CSMD3: variants seen among roughly 807,000 people sequenced by gnomAD.
CSMD3 encodes the protein CUB and sushi domain-containing protein 3.
Under a neutral mutation model 435.2 loss-of-function variants are expected in CSMD3, and 177 were observed. The ratio of observed to expected loss-of-function variants is 0.41; its 90% CI spans 0.36 to 0.46. The LOEUF (loss-of-function observed/expected upper bound fraction) is 0.46. Ranked by LOEUF, CSMD3 falls within the 20% of genes least tolerant of loss-of-function variation. The pLI is 0.34. For missense variants in CSMD3, 4,265 were observed against 4,504.6 expected, an observed-to-expected ratio of 0.95 and a Z score of 1.52; for synonymous variants, 1,656 against 1,520.5, an observed-to-expected ratio of 1.09 and a Z score of -2.07.
chr8:113,430,741 C>T (rs943176916), intron 1 of CSMD3, among the ~76,000 whole-genome samples: 1 of 152,136 alleles, frequency 6.6e-6, no homozygotes, highest in Non-Finnish European at 1.5e-5. Flanking sequence ...TATCTAATGC[C>T]ACATAATCAC....
chr8:112,892,371 A>G (rs1349797829), intron 10 of CSMD3, among the ~76,000 whole-genome samples: 1 of 151,430 alleles, frequency 6.6e-6, no homozygotes, highest in African/African-American at 2.4e-5. Flanking sequence ...ACTTTATGGG[A>G]CCTTAATATG....
chr8:113,355,747 T>TACACACACAC (rs1435607560), intron 1 of CSMD3, among the ~76,000 whole-genome samples: 1 of 87,508 alleles, frequency 1.1e-5, no homozygotes, highest in African/African-American at 5.2e-5. Flanking sequence ...TATATATATA[T>TACACACACAC]ATACACACAC....
intron 9 of CSMD3, among the ~76,000 whole-genome samples, chr8:112,928,901 C>A (rs1280762028): frequency 7.3e-6 from 1 of 137,440 alleles, no homozygotes; most frequent in East Asian, 2.1e-4. Context: ...TACAGTCCCA[C>A]CAACAGTGTA....
chr8:113,129,871 A>G (rs1024516988), intron 4 of CSMD3, among the ~76,000 whole-genome samples: 19 of 152,134 alleles, frequency 1.2e-4, no homozygotes, highest in Non-Finnish European at 2.8e-4. Flanking sequence ...TGTTTTTACA[A>G]AGATAGGAAG....
intron 52 of CSMD3, 133 bp downstream of exon 52, chr8:112,304,588 G>C: frequency 1.4e-6 from 1 of 707,080 alleles, no homozygotes; most frequent in Non-Finnish European, 2.4e-6. Flanking sequence ...ATTTAAAAAC[G>C]TAACGAGAAT....
At chr8:112,988,905 G>T (rs966903360) in intron 6 of CSMD3, among the ~76,000 whole-genome samples, 1 of 151,880 alleles carries the variant, frequency 6.6e-6, no homozygotes, top group Admixed American at 6.6e-5. Context: ...AACAACCGTA[G>T]GCAGCAGGTA....
rs2129990177 is a variant in CSMD3, at chr8:112,237,240, C to G, written c.10577G>C (p.Gly3526Ala). 6.2e-7 allele frequency: 1 copy of G among 1,613,554 alleles called. No individual in the cohort carries two copies. Among genetic ancestry groups the G allele is most frequent in the South Asian group, 1.1e-5 (1 of 91,078 alleles). The part of the protein sequence containing the change: ...LTVTSFNAST[G>A]RVNATLSNSN... ...ATTGCTCAGTGTTGCGTTAACTCTC[C>G]CAGTGGAAGCATTGAAACTAGTAAC... The change falls in exon 67 of 71, where the codon GGG becomes GCG. Residue 3526 changes from glycine (G) to alanine (A), a missense_variant. Physicochemically the swap from Gly to Ala is moderately conservative, Grantham distance 60. Around this residue, in one of 3 missense-constraint regions of CSMD3, gnomAD observed 3,255 missense variants for 3,380.2 expected, o/e 0.96. Coordinates refer to ENST00000297405, the MANE Select transcript of CSMD3 (RefSeq NM_198123.2).
At chr8:112,916,810 T>C (rs2082585934) in intron 10 of CSMD3, among the ~76,000 whole-genome samples, 1 of 151,908 alleles carries the variant, frequency 6.6e-6, no homozygotes, top group East Asian at 1.9e-4. Context: ...TAAATCTTCC[T>C]ATAATATTTC....
chr8:112,311,484 C>T (rs1821974409), intron 49 of CSMD3, among the ~76,000 whole-genome samples: 1 of 152,184 alleles, frequency 6.6e-6, no homozygotes, highest in Admixed American at 6.5e-5. Context: ...ATTTTGGAAA[C>T]CGCATTTCCT....
intron 13 of CSMD3, among the ~76,000 whole-genome samples, chr8:112,721,756 T>C (rs2076863356): frequency 1.3e-5 from 2 of 152,164 alleles, no homozygotes; most frequent in Admixed American, 1.3e-4. Context: ...ATTTTTGTTT[T>C]AATGTTTCCT....
intron 11 of CSMD3, among the ~76,000 whole-genome samples, chr8:112,841,478 G>T (rs1033664425): frequency 3.3e-5 from 5 of 151,740 alleles, no homozygotes; most frequent in Admixed American, 6.6e-5. Flanking sequence ...TCCATTAAGG[G>T]TGATTTCTTT....
At chr8:113,294,748 T>C (rs1475358428) in intron 2 of CSMD3, among the ~76,000 whole-genome samples, 1 of 151,982 alleles carries the variant, frequency 6.6e-6, no homozygotes, top group Non-Finnish European at 1.5e-5. Flanking sequence ...GCTATTTGAC[T>C]GTGAAAAAAA....
chr8:112,892,344 A>G (rs2081819383), intron 10 of CSMD3, among the ~76,000 whole-genome samples: 1 of 151,648 alleles, frequency 6.6e-6, no homozygotes, highest in South Asian at 2.1e-4. Flanking sequence ...CTTGAGTTTT[A>G]ATTCCAACTT....
At chr8:113,057,252 A>G (rs1258643373) in intron 5 of CSMD3, among the ~76,000 whole-genome samples, 1 of 152,164 alleles carries the variant, frequency 6.6e-6, no homozygotes, top group African/African-American at 2.4e-5. Flanking sequence ...ATAATTTCAG[A>G]AGCCCTGGCC....
intron 1 of CSMD3, among the ~76,000 whole-genome samples, chr8:113,407,058 G>T (rs772970935): frequency 6.6e-6 from 1 of 152,070 alleles, no homozygotes; most frequent in Non-Finnish European, 1.5e-5. Flanking sequence ...GTTAGAAGAG[G>T]TAGCTACATA....
intron 4 of CSMD3, among the ~76,000 whole-genome samples, chr8:113,166,906 T>C (rs1473338358): frequency 6.6e-6 from 1 of 152,172 alleles, no homozygotes; most frequent in Non-Finnish European, 1.5e-5. Flanking sequence ...TATTACTAGT[T>C]GTTGAATACC....
At chr8:113,155,706 G>T (rs1300039035) in intron 4 of CSMD3, among the ~76,000 whole-genome samples, 2 of 152,016 alleles carry the variant, frequency 1.3e-5, no homozygotes, top group Admixed American at 6.6e-5. Flanking sequence ...ATATCAAACA[G>T]CTTGGTTATG....
intron 3 of CSMD3, among the ~76,000 whole-genome samples, chr8:113,202,187 G>C (rs2092722352): frequency 6.6e-6 from 1 of 152,052 alleles, no homozygotes; most frequent in African/African-American, 2.4e-5. Flanking sequence ...TGCAGTTTTT[G>C]CTTAAAATTA....
chr8:112,711,919 A>G (rs558807454), intron 13 of CSMD3, among the ~76,000 whole-genome samples: 1 of 151,994 alleles, frequency 6.6e-6, no homozygotes, highest in Non-Finnish European at 1.5e-5. Flanking sequence ...CACGACACCA[A>G]TTATATATCA....
Sources: gnomAD v4.1 joint callset for allele counts (sites outside exome capture counted in the v4.1 genomes callset) on GRCh38, gnomAD v4.1.1 for gene constraint, gnomAD v4.1.1 regional missense constraint, MANE v1.5 for transcripts, NCBI Gene and HGNC (gene_info 2026-07-23, HGNC 2026-07-21) for gene names.